CATSPERG: variants seen among roughly 807,000 people sequenced by gnomAD.
CATSPERG encodes the protein cation channel sperm-associated auxiliary subunit gamma.
CATSPERG carries 115 observed loss-of-function variants against 145.0 expected under a neutral mutation model. That is an observed-to-expected ratio of 0.79 (90% CI 0.68 to 0.93). CATSPERG has a LOEUF of 0.93. CATSPERG is among the 40% of genes least tolerant of loss of function. The pLI, the probability that CATSPERG is intolerant of heterozygous loss-of-function variation, is 0.00. For missense variants in CATSPERG, 1,296 were observed against 1,490.1 expected (o/e 0.87, Z 2.14); for synonymous variants, 588 against 589.0 (o/e 1.00, Z 0.02).
intron 14 of CATSPERG, 22 bp downstream of exon 14, chr19:38,359,603 C>A (rs1367246973): frequency 1.2e-6 from 2 of 1,603,026 alleles, no homozygotes; most frequent in Non-Finnish European, 1.7e-6. Flanking sequence ...CGCCCCTCTC[C>A]CCGTTCCCTC....
intron 3 of CATSPERG, among the ~76,000 whole-genome samples, chr19:38,342,497 G>A (rs1969955581): frequency 6.6e-6 from 1 of 151,802 alleles, no homozygotes; most frequent in African/African-American, 2.4e-5. Context: ...CTACTCAGGA[G>A]GCTGAGGCAG....
intron 7 of CATSPERG, among the ~76,000 whole-genome samples, chr19:38,348,290 C>T (rs1238067105): frequency 6.6e-6 from 1 of 151,944 alleles, no homozygotes; most frequent in East Asian, 1.9e-4. Flanking sequence ...TACCAAATAG[C>T]TGGTATTACA....
chr19:38,345,042 G>A lies in CATSPERG; in HGVS notation c.669+674G>A, dbSNP rs140371284. Among the ~76,000 whole-genome samples, 366 of 149,524 alleles carry A rather than the reference G, an allele frequency of 2.4e-3. 9 individuals are homozygous for A. The East Asian group carries it at 0.049, about 20-fold the overall frequency. ...CCACCTCAGCCTCCCAAGTAGCTGG[G>A]ACCACGGGCATGTACCACCATATCC... On this transcript the variant is annotated intron_variant, in intron 6 of 28. Transcript: ENST00000409235.
chr19:38,364,194 C>T (rs909927189), intron 20 of CATSPERG, among the ~76,000 whole-genome samples: 1 of 152,064 alleles, frequency 6.6e-6, no homozygotes, highest in African/African-American at 2.4e-5. Flanking sequence ...AGACGCTCCT[C>T]ACTTCCCAGA....
intron 3 of CATSPERG, among the ~76,000 whole-genome samples, chr19:38,341,165 T>C (rs776549148): frequency 2.0e-5 from 3 of 151,910 alleles, no homozygotes; most frequent in Non-Finnish European, 4.4e-5. Flanking sequence ...TTTTGGGGCT[T>C]GATGGGCCAT....
intron 22 of CATSPERG, 134 bp downstream of exon 22, chr19:38,365,251 CCCACCCACTA>C (rs1246418890): frequency 1.3e-5 from 10 of 748,464 alleles, no homozygotes; most frequent in Non-Finnish European, 2.3e-5. Context: ...CATTCATCCA[CCCACCCACTA>C]CCACCCACTA....
intron 7 of CATSPERG, chr19:38,348,970 C>A: frequency 6.6e-6 from 1 of 151,888 alleles, no homozygotes; most frequent in East Asian, 1.9e-4. Flanking sequence ...AAAAAATTTC[C>A]ATCACTCCAA....
chr19:38,344,744 GTACA>G (rs1170996943), intron 6 of CATSPERG, among the ~76,000 whole-genome samples: 3 of 113,478 alleles, frequency 2.6e-5, no homozygotes, highest in Non-Finnish European at 5.8e-5. Context: ...GTACATACCT[GTACA>G]TACATATATA....
intron 17 of CATSPERG, 38 bp downstream of exon 17, chr19:38,361,899 G>C (rs1378114800): frequency 2.6e-6 from 4 of 1,553,826 alleles, no homozygotes; most frequent in Non-Finnish European, 3.5e-6. Context: ...CCTGAGACGG[G>C]ACTGGGGCAG....
At chr19:38,352,208 T>G in intron 7 of CATSPERG, 53 bp from the exon 8 acceptor site, 1 of 1,528,656 alleles carries the variant, frequency 6.5e-7, no homozygotes, top group South Asian at 1.2e-5. Context: ...AGGCAGGACA[T>G]GGGGGCTGAG....
intron 8 of CATSPERG, among the ~76,000 whole-genome samples, chr19:38,352,685 G>A (rs1428134083): frequency 2.7e-5 from 4 of 149,614 alleles, no homozygotes; most frequent in East Asian, 2.0e-4. Context: ...GAGGGGGTGC[G>A]AGAGTAAAGG....
chr19:38,357,987 G>T, intron 11 of CATSPERG: 1 of 356,324 alleles, frequency 2.8e-6, no homozygotes. Context: ...TGGTGGTGGT[G>T]TGCGCCTATA....
At chr19:38,360,933 TAACCCCAG>T in intron 16 of CATSPERG, 90 bp downstream of exon 16, 2 of 1,122,454 alleles carry the variant, frequency 1.8e-6, no homozygotes, top group Non-Finnish European at 2.6e-6. Context: ...GAGACCGAGC[TAACCCCAG>T]TGAAAACCTC....
At chr19:38,352,558 A>G in intron 8 of CATSPERG, 126 bp downstream of exon 8, 2 of 954,452 alleles carry the variant, frequency 2.1e-6, no homozygotes, top group Non-Finnish European at 3.2e-6. Flanking sequence ...AAGGCCCCAA[A>G]TCACCCTTGC....
rs141521094 is a variant in CATSPERG, at chr19:38,365,083, G to C, written c.2579G>C (p.Cys860Ser). Residue 860 changes from cysteine (C) to serine (S), a missense_variant, in exon 22 of 29, where the codon TGC (cysteine) becomes TCC (serine). Physicochemically the swap from Cys to Ser is moderately radical, Grantham distance 112 (BLOSUM62 -1). Coordinates refer to ENST00000409235, the MANE Select transcript of CATSPERG (RefSeq NM_021185.5). ...TVNVVGSSGL[C>S]FQETHLGPHM... ...CAGGTGGTGGGTTCATCCGGGCTCT[G>C]CTTCCAGGAAACACACCTGGGGCCC... is the stretch of plus-strand genomic sequence containing the variant. 6.2e-7 allele frequency: 1 copy of C among 1,613,774 alleles called. No individual in the cohort carries two copies. The highest frequency in any genetic ancestry group is 8.5e-7 in the Non-Finnish European group (1 of 1,180,018).
rs139479686 is a variant in CATSPERG, at chr19:38,358,694, C to A, written c.1496+133C>A. On this transcript the variant is annotated intron_variant, in intron 13 of 28. Transcript: ENST00000409235. Reference sequence around the variant, plus strand: ...AAGGATGCACAAATCCAGAAGTTACCAGGACTGTGATGAGGAACACACCGT... The same window carrying A: ...AAGGATGCACAAATCCAGAAGTTACAAGGACTGTGATGAGGAACACACCGT... 1,218 of 1,090,264 alleles carry A rather than the reference C, an allele frequency of 1.1e-3. 9 individuals are homozygous for A. The African/African-American group carries it at 0.015, about 14-fold the overall frequency. 67.5% of individuals were successfully genotyped at this position (1,090,264 alleles called of 1,614,324 possible).
chr19:38,365,147 G>T, intron 22 of CATSPERG, 30 bp downstream of exon 22: 1 of 1,606,806 alleles, frequency 6.2e-7, no homozygotes, highest in South Asian at 1.1e-5. Context: ...TGGGCCCTGG[G>T]AGGGGAAGGT....
In CATSPERG at chr19:38,352,492, G is replaced by GA. The variant is rs1022566121; in HGVS notation, c.997+62dup. On this transcript the variant is annotated intron_variant, in intron 8 of 28. Transcript: ENST00000409235. ...GGGCACCCTGGTGAACCCCTCCACT[G>GA]AAGGTGGCTGGGGGCTGGAATTGCT... 4 of 1,484,124 alleles carry GA rather than the reference G, an allele frequency of 2.7e-6. No individual in the cohort carries two copies. In the African/African-American group the frequency reaches 5.6e-5, roughly 21 times the overall value. The allele number at this position is 1,484,124 out of a possible 1,614,324, so 91.9% of individuals were successfully genotyped here.
intron 8 of CATSPERG, among the ~76,000 whole-genome samples, chr19:38,353,696 CAAA>C (rs34301376): frequency 3.3e-5 from 2 of 60,322 alleles, no homozygotes; most frequent in South Asian, 5.2e-4. Context: ...GATGCCATCT[CAAA>C]AAAAAAAAAA....
Sources: allele counts gnomAD v4.1 joint callset (sites outside exome capture counted in the v4.1 genomes callset), GRCh38; gene constraint gnomAD v4.1.1; transcripts MANE v1.5; gene names NCBI Gene and HGNC (gene_info 2026-07-23, HGNC 2026-07-21).